HELZ: variants seen among roughly 807,000 people sequenced by gnomAD.
HELZ encodes the protein ATP-dependent RNA helicase with zinc finger domain.
HELZ carries 23 observed loss-of-function variants against 218.2 expected under a neutral mutation model. That is an observed-to-expected ratio of 0.11 (90% CI 0.08 to 0.15). The LOEUF is 0.15. HELZ is among the 10% of genes least tolerant of loss of function. HELZ has a pLI of 1.00. For missense variants in HELZ, 1,813 were observed against 2,353.7 expected, an observed-to-expected ratio of 0.77 and a Z score of 4.75; for synonymous variants, 814 against 829.4, an observed-to-expected ratio of 0.98 and a Z score of 0.32.
intron 20 of HELZ, among the ~76,000 whole-genome samples, chr17:67,146,239 C>T (rs928845467): frequency 2.6e-5 from 4 of 152,082 alleles, no homozygotes; most frequent in African/African-American, 9.7e-5. Context: ...TCATGTACCA[C>T]ATAATGATGA....
At chr17:67,144,561 T>C (rs1266609510) in intron 21 of HELZ, among the ~76,000 whole-genome samples, 1 of 151,632 alleles carries the variant, frequency 6.6e-6, no homozygotes, top group African/African-American at 2.4e-5. Flanking sequence ...GCTTATAGGT[T>C]TCCTGGGAAA....
chr17:67,166,647 G>A, intron 14 of HELZ, 39 bp from the exon 15 acceptor site: 1 of 1,602,006 alleles, frequency 6.2e-7, no homozygotes, highest in Non-Finnish European at 8.5e-7. Flanking sequence ...CTGCATGAAA[G>A]CAAACATCAA....
intron 5 of HELZ, among the ~76,000 whole-genome samples, chr17:67,212,288 C>G (rs2040473630): frequency 9.3e-6 from 1 of 107,156 alleles, no homozygotes; most frequent in Admixed American, 1.5e-4. Flanking sequence ...GCACTCCAAC[C>G]TGGGCGACAG....
chr17:67,109,003 T>G, intron 29 of HELZ, 113 bp downstream of exon 29: 1 of 898,540 alleles, frequency 1.1e-6, no homozygotes, highest in South Asian at 1.7e-5. Context: ...ATGGGGGGGT[T>G]TTGCTAGCAT....
At chr17:67,202,775 G>GT (rs1252070956) in intron 6 of HELZ, among the ~76,000 whole-genome samples, 1 of 152,134 alleles carries the variant, frequency 6.6e-6, no homozygotes, top group Non-Finnish European at 1.5e-5. Flanking sequence ...TTATTTTAAA[G>GT]TATCTACAAT....
At chr17:67,162,540 G>A (rs895913133) in intron 15 of HELZ, among the ~76,000 whole-genome samples, 1 of 152,052 alleles carries the variant, frequency 6.6e-6, no homozygotes, top group Middle Eastern at 3.2e-3. Context: ...AGCATTAGAT[G>A]AAATGGTTAC....
At chr17:67,086,530 G>A (rs1020526784) in intron 32 of HELZ, among the ~76,000 whole-genome samples, 12 of 145,072 alleles carry the variant, frequency 8.3e-5, no homozygotes, top group African/African-American at 2.3e-4. Flanking sequence ...GCAATGAGCC[G>A]AGATCACACC....
Position 67,077,636 on chromosome 17 carries a change from T to C in HELZ, c.*616A>G, listed in dbSNP as rs2036053280. ...TGCCTGCAAAGAATGCCTTTAACTC[T>C]ATCCTATGGTGGATGGAGATTACAA... On this transcript the variant is annotated 3_prime_UTR_variant, in exon 33 of 33. Transcript: ENST00000358691. The C allele has an allele frequency of 6.6e-6, 1 of 151,428 alleles. No homozygotes were observed. The allele number at this position is 151,428 out of a possible 1,614,324, so 9.4% of individuals were successfully genotyped here. A position where few individuals can be genotyped will look rare whatever the true frequency, so the allele number is the denominator to read the frequency against.
intron 31 of HELZ, among the ~76,000 whole-genome samples, chr17:67,094,945 G>A (rs934886410): frequency 1.3e-5 from 2 of 152,188 alleles, no homozygotes; most frequent in African/African-American, 4.8e-5. Context: ...GAAGGCTGAG[G>A]TGGCTGTGGC....
chr17:67,235,749 CTTTTTTTTTTT>C (rs1216322685), intron 3 of HELZ, among the ~76,000 whole-genome samples: 4 of 78,672 alleles, frequency 5.1e-5, no homozygotes, highest in Middle Eastern at 0.014. Flanking sequence ...ACCACACACT[CTTTTTTTTTTT>C]TTTTTTTTTT....
intron 5 of HELZ, among the ~76,000 whole-genome samples, chr17:67,213,566 G>A (rs896215523): frequency 2.0e-5 from 3 of 152,028 alleles, no homozygotes; most frequent in African/African-American, 4.8e-5. Flanking sequence ...AGGTCACAGT[G>A]ACCCGAGATC....
In HELZ at chr17:67,195,596, T is replaced by C. The variant is rs888364403; in HGVS notation, c.430-126A>G. ...ACTCAGAAATTTTTAATAACATTAA[T>C]ATGTTGCCAATGATTTTTGTTTTTT... On this transcript the variant is annotated intron_variant, in intron 7 of 32. Coordinates refer to ENST00000358691, the MANE Select transcript of HELZ (RefSeq NM_014877.4). 2.6e-5 allele frequency: 15 copies of C among 585,868 alleles called. No individual in the cohort carries two copies. The African/African-American group carries it at 2.8e-4, about 11-fold the overall frequency. The allele number at this position is 585,868 out of a possible 1,614,324, so 36.3% of individuals were successfully genotyped here.
chr17:67,243,543 G>T (rs1000712345), intron 2 of HELZ, among the ~76,000 whole-genome samples: 1 of 152,216 alleles, frequency 6.6e-6, no homozygotes, highest in Non-Finnish European at 1.5e-5. Context: ...ATAGCTGCAA[G>T]TAACATTTGG....
chr17:67,089,924 T>C (rs2036529354), intron 31 of HELZ, among the ~76,000 whole-genome samples: 1 of 151,956 alleles, frequency 6.6e-6, no homozygotes. Flanking sequence ...CTTGCCTTAT[T>C]GCACTGGCTA....
intron 3 of HELZ, among the ~76,000 whole-genome samples, chr17:67,234,093 G>A (rs570579881): frequency 6.7e-6 from 1 of 150,068 alleles, no homozygotes; most frequent in South Asian, 2.1e-4. Flanking sequence ...GGAGGCCAAG[G>A]TAGGTGGATG....
At chr17:67,079,618 C>T (rs2143523590) in intron 32 of HELZ, among the ~76,000 whole-genome samples, 1 of 152,336 alleles carries the variant, frequency 6.6e-6, no homozygotes, top group East Asian at 1.9e-4. Context: ...AAGCTTCTGA[C>T]AACTGTGGCC....
intron 24 of HELZ, 87 bp downstream of exon 24, chr17:67,128,564 A>C: frequency 8.5e-7 from 1 of 1,179,272 alleles, no homozygotes; most frequent in Non-Finnish European, 1.3e-6. Flanking sequence ...TCCAACACTT[A>C]AAGTAACTTG....
intron 24 of HELZ, 80 bp downstream of exon 24, chr17:67,128,571 C>G: frequency 8.1e-7 from 1 of 1,235,802 alleles, no homozygotes; most frequent in Non-Finnish European, 1.2e-6. Flanking sequence ...CTTAAAGTAA[C>G]TTGCATCCCA....
At chr17:67,146,680 C>T (rs1461248749) in intron 20 of HELZ, among the ~76,000 whole-genome samples, 1 of 152,172 alleles carries the variant, frequency 6.6e-6, no homozygotes, top group Non-Finnish European at 1.5e-5. Flanking sequence ...GTACTTGACT[C>T]ATCAGTGACT....
Sources: allele counts gnomAD v4.1 joint callset (sites outside exome capture counted in the v4.1 genomes callset), GRCh38; gene constraint gnomAD v4.1.1; transcripts MANE v1.5; gene names NCBI Gene and HGNC (gene_info 2026-07-23, HGNC 2026-07-21).